The following MAP3K7 variants were observed in gnomAD, a reference collection of about 807,000 sequenced individuals.
The protein encoded by MAP3K7 is TGF-beta activated kinase 1.
In MAP3K7, 21 loss-of-function variants were observed where a neutral mutation model predicts 84.8. The observed-to-expected ratio is 0.25, with a 90% confidence interval of 0.18 to 0.36. The LOEUF (loss-of-function observed/expected upper bound fraction) is 0.36, where lower values mean the gene tolerates loss of function less well. Among genes scored for constraint, MAP3K7 ranks in the 10% least tolerant of loss-of-function variants. The probability of loss-of-function intolerance (pLI) is 1.00; values close to 1 mark genes in which losing one functional copy is unlikely to be tolerated. For synonymous variants in MAP3K7, 241 were observed against 247.7 expected (o/e 0.97, Z 0.25); for missense variants, 503 against 747.7 (o/e 0.67, Z 3.82).
Position 90,516,447 on chromosome 6 carries a change from C to T in MAP3K7, c.*54G>A. 1 of 1,568,432 alleles carries T rather than the reference C, an allele frequency of 6.4e-7. No individual in the cohort carries two copies. The highest frequency in any genetic ancestry group is 1.9e-5 in the Admixed American group (1 of 51,968). On this transcript the variant is annotated 3_prime_UTR_variant, in exon 17 of 17. Coordinates refer to ENST00000369329, the MANE Select transcript of MAP3K7 (RefSeq NM_145331.3). ...AATCGTCATTATAAGGTTTTCCTTT[C>T]CTTAAAAAAAAAGTCTTTCTTTGCA...
At chr6:90,533,264 G>C (rs1001405954) in intron 13 of MAP3K7, among the ~76,000 whole-genome samples, 9 of 152,180 alleles carry the variant, frequency 5.9e-5, no homozygotes, top group African/African-American at 2.2e-4. Flanking sequence ...TGCGGAATAG[G>C]CTTTATTGGT....
intron 3 of MAP3K7, among the ~76,000 whole-genome samples, chr6:90,563,279 C>A (rs115787618): frequency 0.069 from 10,503 of 152,156 alleles, 354 homozygotes; most frequent in South Asian, 0.092. Context: ...CTTCTCCAAG[C>A]GAAAGGAGGA....
intron 14 of MAP3K7, among the ~76,000 whole-genome samples, chr6:90,521,651 G>A (rs1775155227): frequency 6.6e-6 from 1 of 152,050 alleles, no homozygotes; most frequent in Non-Finnish European, 1.5e-5. Context: ...AATGGGCCAT[G>A]TCTTACACTT....
chr6:90,567,786 C>G (rs9342230), intron 3 of MAP3K7, among the ~76,000 whole-genome samples: 5,719 of 152,250 alleles, frequency 0.038, 133 homozygotes, highest in African/African-American at 0.058. Context: ...TGGCACTATT[C>G]ACAATAGCAA....
At position 90,556,632 on chromosome 6, in the gene MAP3K7, A is replaced by T. The variant is rs768872323; in HGVS notation, c.483-8T>A. On this transcript the variant is annotated splice_polypyrimidine_tract_variant and splice_region_variant and intron_variant, in intron 5 of 16. Transcript: ENST00000369329. The stretch of plus-strand genomic sequence containing the variant: ...CCTGCAACCAGCAGTAAGCTGTTTA[A>T]AAAAAAACAAAAAACATCAAAAGTT... 3.2e-6 allele frequency: 5 copies of T among 1,573,536 alleles called. No homozygotes were observed. Among genetic ancestry groups the T allele is most frequent in the Admixed American group, 2.1e-5 (1 of 48,358 alleles).
intron 12 of MAP3K7, among the ~76,000 whole-genome samples, chr6:90,543,215 T>C (rs943408974): frequency 3.3e-5 from 5 of 152,068 alleles, no homozygotes; most frequent in Non-Finnish European, 1.5e-5. Context: ...GCAGTCCAGA[T>C]TCAATAAATA....
At position 90,553,584 on chromosome 6, in the gene MAP3K7, T is replaced by C; in HGVS notation, c.610A>G (p.Ser204Gly). ...AWMAPEVFEG[S>G]NYSEKCDVFS... ...ACGTCACATTTTTCACTGTAATTAC[T>C]ACCTAGAAAAAAAAAAGGTAGTATA... is the stretch of plus-strand genomic sequence containing the variant. The change falls in exon 7 of 17, where the codon AGT (serine) becomes GGT (glycine). Residue 204 changes from serine to glycine, a missense_variant and splice_region_variant. Ser to Gly is a moderately conservative substitution (Grantham distance 56, BLOSUM62 0). Transcript: ENST00000369329. 1 of 1,593,296 alleles carries C rather than the reference T, an allele frequency of 6.3e-7. No individual in the cohort carries two copies. The highest frequency in any genetic ancestry group is 8.5e-7 in the Non-Finnish European group (1 of 1,170,560).
intron 3 of MAP3K7, among the ~76,000 whole-genome samples, chr6:90,562,396 GTCT>G (rs1314807688): frequency 6.6e-6 from 1 of 152,218 alleles, no homozygotes. Context: ...TTTTCCAACG[GTCT>G]TAGCAAACAC....
Position 90,550,488 on chromosome 6 carries a change from C to T in MAP3K7, c.929G>A (p.Ser310Asn), listed in dbSNP as rs1008855643. The T allele has an allele frequency of 1.2e-6, 2 of 1,610,628 alleles. No individual in the cohort carries two copies. The highest frequency in any genetic ancestry group is 1.7e-6 in the Non-Finnish European group (2 of 1,177,436). The change falls in exon 9 of 17, where the codon AGC (serine) becomes AAC (asparagine). Residue 310 changes from serine to asparagine, a missense_variant. Transcript: ENST00000369329. ...YPCQYSDEGQ[S>N]NSATSTGSFM... ...TTTACCTGTACTGGTGGCAGAGTTG[C>T]TCTGTCCTTCATCTGAATACTGACA...
chr6:90,586,029 G>A (rs1777436591), intron 1 of MAP3K7, among the ~76,000 whole-genome samples: 1 of 152,208 alleles, frequency 6.6e-6, no homozygotes, highest in Non-Finnish European at 1.5e-5. Flanking sequence ...TCCCCTACAT[G>A]CCAGGTACTG....
chr6:90,523,652 T>C (rs751874396), intron 14 of MAP3K7, 26 bp downstream of exon 14: 1 of 1,471,948 alleles, frequency 6.8e-7, no homozygotes, highest in Non-Finnish European at 9.5e-7. Flanking sequence ...TTCAACTTCA[T>C]AAGTATGAAG....
rs904282517 is a variant in MAP3K7 at position 90,552,368 on chromosome 6, C to T, written c.737-189G>A. On this transcript the variant is annotated intron_variant, in intron 7 of 16. Coordinates refer to ENST00000369329, the MANE Select transcript of MAP3K7 (RefSeq NM_145331.3). ...GTTAGTTCTTTTACTCTTTACTTCA[C>T]GGACGTTCAATTATTTACTGACAAC... is the stretch of plus-strand genomic sequence containing the variant. 2.0e-5 allele frequency among the ~76,000 whole-genome samples: 3 copies of T among 152,078 alleles called. 1 individual carries two copies. The highest frequency in any genetic ancestry group is 1.3e-4 in the Admixed American group (2 of 15,272).
intron 14 of MAP3K7, among the ~76,000 whole-genome samples, chr6:90,521,257 C>CGTGTGTGTGT (rs59945419): frequency 2.0e-5 from 3 of 148,650 alleles, no homozygotes; most frequent in East Asian, 2.0e-4. Context: ...AAGTTTTTTG[C>CGTGTGTGTGT]GTGTGTGTGT....
At chr6:90,569,860 C>T (rs1776841646) in intron 2 of MAP3K7, among the ~76,000 whole-genome samples, 1 of 152,066 alleles carries the variant, frequency 6.6e-6, no homozygotes, top group Admixed American at 6.6e-5. Context: ...CTTTTCTGCC[C>T]TTTTTCCACT....
At chr6:90,534,025 A>G (rs1466083427) in intron 13 of MAP3K7, among the ~76,000 whole-genome samples, 1 of 152,310 alleles carries the variant, frequency 6.6e-6, no homozygotes. Flanking sequence ...AGCTTGCTTC[A>G]TTTACTGTTC....
chr6:90,516,243 C>T lies in MAP3K7; in HGVS notation c.*258G>A. 1.9e-6 allele frequency: 1 copy of T among 515,384 alleles called. No homozygotes were observed. Among genetic ancestry groups the T allele is most frequent in the African/African-American group, 1.9e-5 (1 of 51,496 alleles). 31.9% of individuals were successfully genotyped at this position (515,384 alleles called of 1,614,324 possible). On this transcript the variant is annotated 3_prime_UTR_variant, in exon 17 of 17. Transcript: ENST00000369329. ...TGAGCATGCATATACAGCCACAGTT[C>T]ACTGCATCTGTTTTGAAGTTGCAAA...
At chr6:90,573,635 C>G (rs1162419951) in intron 1 of MAP3K7, among the ~76,000 whole-genome samples, 1 of 152,190 alleles carries the variant, frequency 6.6e-6, no homozygotes, top group Non-Finnish European at 1.5e-5. Context: ...TAATCCTCTT[C>G]CATTTAAAAG....
chr6:90,521,647 C>T (rs191576666), intron 14 of MAP3K7, among the ~76,000 whole-genome samples: 298 of 152,040 alleles, frequency 2.0e-3, no homozygotes, highest in Middle Eastern at 3.4e-3. Flanking sequence ...AAGGAATGGG[C>T]CATGTCTTAC....
chr6:90,581,593 A>C (rs1429664779), intron 1 of MAP3K7, among the ~76,000 whole-genome samples: 1 of 152,224 alleles, frequency 6.6e-6, no homozygotes. Flanking sequence ...GCCACAGTAC[A>C]TCTCACCCAT....
Sources: allele counts gnomAD v4.1 joint callset (sites outside exome capture counted in the v4.1 genomes callset), GRCh38; gene constraint gnomAD v4.1.1; transcripts MANE v1.5; gene names NCBI Gene and HGNC (gene_info 2026-07-23, HGNC 2026-07-21).